CIROZ: variants seen among roughly 807,000 people sequenced by gnomAD.
The protein encoded by CIROZ is ciliated left-right organizer protein containing ZP-N domains, also known as ciliated left-right organizer ZP-N domains-containing protein.
chr1:10,949,537 C>G, the CIROZ span: 1 of 1,467,724 alleles, frequency 6.8e-7, no homozygotes, highest in Non-Finnish European at 9.3e-7. Flanking sequence ...AGAGAAGGGC[C>G]TCAGGCCCAG....
the CIROZ span, among the ~76,000 whole-genome samples, chr1:10,966,781 GTGT>G: frequency 1.3e-5 from 2 of 152,054 alleles, no homozygotes; most frequent in Admixed American, 1.3e-4. Context: ...TGCCCCAGTT[GTGT>G]ATATTTCATG....
At chr1:10,958,688 C>T in the CIROZ span, 300 of 1,613,776 alleles carry the variant, frequency 1.9e-4, no homozygotes, top group Non-Finnish European at 2.3e-4. Flanking sequence ...AGAGTTGCTC[C>T]TGCTACTTCA....
chr1:10,973,345 C>G, the CIROZ span, among the ~76,000 whole-genome samples: 9 of 152,098 alleles, frequency 5.9e-5, no homozygotes, highest in Non-Finnish European at 1.0e-4. Flanking sequence ...TGCACTCCAG[C>G]CTGGATGGCA....
At chr1:10,975,871 A>G in the CIROZ span, among the ~76,000 whole-genome samples, 1 of 144,946 alleles carries the variant, frequency 6.9e-6, no homozygotes, top group South Asian at 2.1e-4. Flanking sequence ...GGCCCGGCAC[A>G]CGACACACGC....
At chr1:10,955,220 GCA>G in the CIROZ span, 1 of 1,558,448 alleles carries the variant, frequency 6.4e-7, no homozygotes, top group Non-Finnish European at 8.7e-7. Context: ...ACAGAAAAAG[GCA>G]CACTTTGCAG....
chr1:10,975,453 G>A, the CIROZ span, among the ~76,000 whole-genome samples: 4 of 151,126 alleles, frequency 2.6e-5, no homozygotes, highest in African/African-American at 9.7e-5. Flanking sequence ...GCCAGGTGTG[G>A]TGGTGCACAC....
chr1:10,970,441 A>G, the CIROZ span, among the ~76,000 whole-genome samples: 1 of 151,894 alleles, frequency 6.6e-6, no homozygotes, highest in Non-Finnish European at 1.5e-5. Context: ...CAGCCTGGCC[A>G]ACACGGTGAA....
chr1:10,979,563 C>T, the CIROZ span, among the ~76,000 whole-genome samples: 1 of 150,748 alleles, frequency 6.6e-6, no homozygotes, highest in South Asian at 2.1e-4. Flanking sequence ...AACATTCCTC[C>T]ACCCTTCGAC....
the CIROZ span, among the ~76,000 whole-genome samples, chr1:10,963,923 C>G: frequency 6.6e-6 from 1 of 152,126 alleles, no homozygotes; most frequent in Admixed American, 6.5e-5. Context: ...CTCACTCGTC[C>G]TTGCTCAGAA....
chr1:10,956,545 G>A, the CIROZ span, among the ~76,000 whole-genome samples: 4 of 150,190 alleles, frequency 2.7e-5, no homozygotes, highest in Non-Finnish European at 5.9e-5. Context: ...GCACCATCTC[G>A]GCTCACTGCA....
At chr1:10,958,736 G>T in the CIROZ span, 1 of 1,614,038 alleles carries the variant, frequency 6.2e-7, no homozygotes, top group East Asian at 2.2e-5. Flanking sequence ...CCTCCACAGG[G>T]GCAGGGGCCG....
the CIROZ span, chr1:10,957,830 T>G: frequency 6.7e-7 from 1 of 1,492,890 alleles, no homozygotes; most frequent in Non-Finnish European, 9.1e-7. Flanking sequence ...AGGGGACACT[T>G]GAAGGGTCAC....
the CIROZ span, chr1:10,981,909 C>G: frequency 7.0e-7 from 1 of 1,428,126 alleles, no homozygotes; most frequent in Non-Finnish European, 9.5e-7. Flanking sequence ...CTCTTAGATG[C>G]AAGGCTTCTG....
the CIROZ span, chr1:10,966,620 A>G: frequency 2.0e-6 from 2 of 1,017,930 alleles, no homozygotes; most frequent in African/African-American, 3.3e-5. Context: ...AATAGCAGTA[A>G]TTTTTAAAAG....
chr1:10,980,376 T>G, the CIROZ span, among the ~76,000 whole-genome samples: 1 of 152,226 alleles, frequency 6.6e-6, no homozygotes, highest in Non-Finnish European at 1.5e-5. Context: ...GGCGAGCCTC[T>G]CCCATGGACG....
At chr1:10,964,027 G>GT in the CIROZ span, 1 of 1,443,670 alleles carries the variant, frequency 6.9e-7, no homozygotes, top group Non-Finnish European at 9.4e-7. Flanking sequence ...CCTGGGCCAC[G>GT]TCCTGTGGTG....
chr1:10,977,818 C>T, the CIROZ span, among the ~76,000 whole-genome samples: 1 of 152,164 alleles, frequency 6.6e-6, no homozygotes, highest in South Asian at 2.1e-4. Context: ...CCAAATAATG[C>T]TTAGTTTTCC....
At chr1:10,979,026 C>T in the CIROZ span, among the ~76,000 whole-genome samples, 2 of 152,000 alleles carry the variant, frequency 1.3e-5, no homozygotes, top group African/African-American at 4.8e-5. Context: ...GTATCTCACT[C>T]TGTCACCCAG....
At chr1:10,969,335 G>A in the CIROZ span, among the ~76,000 whole-genome samples, 17 of 151,992 alleles carry the variant, frequency 1.1e-4, no homozygotes, top group East Asian at 3.9e-4. Context: ...TTCCAGGTAC[G>A]CTGAAGACAT....
Sources: allele counts gnomAD v4.1 joint callset (sites outside exome capture counted in the v4.1 genomes callset), GRCh38; gene constraint gnomAD v4.1.1; transcripts MANE v1.5; gene names NCBI Gene and HGNC (gene_info 2026-07-23, HGNC 2026-07-21).